The following TBC1D4 variants were observed in gnomAD, a reference collection of about 807,000 sequenced individuals.
TBC1D4 encodes TBC1 domain family member 4.
TBC1D4 carries 121 observed loss-of-function variants against 142.5 expected under a neutral mutation model. The observed-to-expected ratio is 0.85, with a 90% CI of 0.73 to 0.99. The LOEUF (loss-of-function observed/expected upper bound fraction) is 0.99, where lower values mean the gene tolerates loss of function less well. Ranked by LOEUF, TBC1D4 falls within the 50% of genes least tolerant of loss-of-function variation. The probability of loss-of-function intolerance (pLI) is 0.00; values close to 1 mark genes in which losing one functional copy is unlikely to be tolerated. For synonymous variants in TBC1D4, 630 were observed against 628.2 expected (o/e 1.00, Z -0.04); for missense variants, 1,475 against 1,606.6 (o/e 0.92, Z 1.40).
Position 75,302,230 on chromosome 13 carries a change from A to T in TBC1D4, c.2911+13T>A. ...TTTACTTTTGTAAATTATAATCCAC[A>T]TGACAAACATACCTAAATCCACGAG... On this transcript the variant is annotated intron_variant, in intron 16 of 20. Transcript: ENST00000377636. 3.7e-6 allele frequency: 6 copies of T among 1,614,146 alleles called. No individual in the cohort carries two copies. The highest frequency in any genetic ancestry group is 5.1e-6 in the Non-Finnish European group (6 of 1,180,026).
intron 12 of TBC1D4, among the ~76,000 whole-genome samples, chr13:75,315,693 T>C (rs532352085): frequency 1.1e-4 from 16 of 152,246 alleles, no homozygotes; most frequent in Middle Eastern, 3.4e-3. Context: ...ATTAATATTT[T>C]ATAAAACTAA....
intron 1 of TBC1D4, among the ~76,000 whole-genome samples, chr13:75,421,377 G>A (rs538625170): frequency 6.6e-6 from 1 of 152,196 alleles, no homozygotes; most frequent in South Asian, 2.1e-4. Flanking sequence ...AACTCAGCTG[G>A]GGAGTTCACA....
chr13:75,369,176 C>T (rs1000972036), intron 1 of TBC1D4, among the ~76,000 whole-genome samples: 7 of 152,106 alleles, frequency 4.6e-5, no homozygotes, highest in African/African-American at 1.7e-4. Flanking sequence ...AGGCAAGAAC[C>T]GTCACTTTCC....
chr13:75,446,428 G>A (rs553780574), intron 1 of TBC1D4, among the ~76,000 whole-genome samples: 3 of 152,218 alleles, frequency 2.0e-5, no homozygotes, highest in African/African-American at 7.2e-5. Flanking sequence ...GCTTGGGAGT[G>A]GCTTCTCATT....
intron 1 of TBC1D4, among the ~76,000 whole-genome samples, chr13:75,366,697 A>G (rs1443641957): frequency 1.3e-5 from 2 of 149,522 alleles, no homozygotes; most frequent in African/African-American, 5.0e-5. Flanking sequence ...AAAAAAAAAT[A>G]TTGCTTCTAG....
At chr13:75,447,499 A>AGTGTGTGTGTGTGTGTGT (rs1887335918) in intron 1 of TBC1D4, among the ~76,000 whole-genome samples, 1 of 62,898 alleles carries the variant, frequency 1.6e-5, no homozygotes, top group African/African-American at 5.3e-5. Flanking sequence ...GCATAGTGTG[A>AGTGTGTGTGTGTGTGTGT]ATGTGTGTGT....
intron 16 of TBC1D4, 65 bp downstream of exon 16, chr13:75,302,177 CA>C: frequency 7.5e-6 from 12 of 1,604,978 alleles, no homozygotes; most frequent in Non-Finnish European, 1.0e-5. Context: ...AAACAAAAAC[CA>C]AAAAAACTTA....
chr13:75,452,270 C>G (rs1375655194), intron 1 of TBC1D4, among the ~76,000 whole-genome samples: 2 of 152,110 alleles, frequency 1.3e-5, no homozygotes, highest in Non-Finnish European at 2.9e-5. Flanking sequence ...TTTTGCATTT[C>G]CTCCATAGTA....
intron 1 of TBC1D4, among the ~76,000 whole-genome samples, chr13:75,429,165 C>T (rs905447401): frequency 2.6e-5 from 4 of 152,000 alleles, no homozygotes; most frequent in African/African-American, 7.3e-5. Flanking sequence ...CGTAAAATCA[C>T]GTGTTGGAGA....
chr13:75,375,528 T>G (rs558024033), intron 1 of TBC1D4: 1 of 152,266 alleles, frequency 6.6e-6, no homozygotes, highest in African/African-American at 2.4e-5. Context: ...AAACAGAAGT[T>G]TATTTCCCTG....
chr13:75,348,770 T>G (rs533669781), intron 5 of TBC1D4, among the ~76,000 whole-genome samples: 65 of 152,294 alleles, frequency 4.3e-4, no homozygotes, highest in African/African-American at 1.6e-3. Context: ...AAAGGGGAAA[T>G]ATTAAATAAA....
At chr13:75,454,794 T>A (rs1037261027) in intron 1 of TBC1D4, among the ~76,000 whole-genome samples, 1 of 152,194 alleles carries the variant, frequency 6.6e-6, no homozygotes, top group Non-Finnish European at 1.5e-5. Flanking sequence ...CCAGGGTTTA[T>A]AATGATCTGA....
chr13:75,395,743 T>C (rs1014182958), intron 1 of TBC1D4, among the ~76,000 whole-genome samples: 2 of 151,924 alleles, frequency 1.3e-5, no homozygotes, highest in Non-Finnish European at 2.9e-5. Context: ...GGCAGGAGAA[T>C]CACTTGAACC....
At chr13:75,476,366 G>A (rs1279330575) in intron 1 of TBC1D4, among the ~76,000 whole-genome samples, 1 of 152,176 alleles carries the variant, frequency 6.6e-6, no homozygotes, top group Non-Finnish European at 1.5e-5. Flanking sequence ...GTGATCTCAT[G>A]AAATCAGGTG....
At chr13:75,419,613 C>T (rs17064402) in intron 1 of TBC1D4, among the ~76,000 whole-genome samples, 301 of 152,252 alleles carry the variant, frequency 2.0e-3, no homozygotes, top group African/African-American at 7.0e-3. Context: ...GAGAACCACA[C>T]AGTAGTGTAA....
intron 1 of TBC1D4, among the ~76,000 whole-genome samples, chr13:75,383,824 T>A (rs1884007639): frequency 6.6e-6 from 1 of 152,190 alleles, no homozygotes; most frequent in Non-Finnish European, 1.5e-5. Context: ...ATAACTGGTC[T>A]TCTTGCCTTA....
At chr13:75,443,627 A>C (rs769530721) in intron 1 of TBC1D4, among the ~76,000 whole-genome samples, 2 of 152,236 alleles carry the variant, frequency 1.3e-5, no homozygotes, top group African/African-American at 2.4e-5. Flanking sequence ...TTCTCAAAGA[A>C]AGAAAAAGGA....
At position 75,481,536 on chromosome 13, in the gene TBC1D4, C is replaced by T. The variant is rs1888876908; in HGVS notation, c.232G>A (p.Ala78Thr). 5 of 1,601,290 alleles carry T rather than the reference C, an allele frequency of 3.1e-6. No individual in the cohort carries two copies. The highest frequency in any genetic ancestry group is 2.3e-5 in the East Asian group (1 of 44,102). Residue 78 changes from alanine (A) to threonine (T), a missense_variant, in exon 1 of 21, where the codon GCG becomes ACG. Transcript: ENST00000377636. ...AGCACCAGGATCACCTCTCGGGCCGCCGGCGCCCCGCAGCCGCCCGCCTCG... is the reference window on the plus strand; with the variant it reads ...AGCACCAGGATCACCTCTCGGGCCGTCGGCGCCCCGCAGCCGCCCGCCTCG... ...KPEAGGCGAP[A>T]AREVILVLSA... is the part of the protein sequence containing the mutation.
In TBC1D4 at chr13:75,362,038, G is replaced by C. The variant is rs757423439; in HGVS notation, c.1068C>G (p.Thr356=). The C allele has an allele frequency of 6.2e-7, 1 of 1,614,152 alleles. No individual in the cohort carries two copies. The highest frequency in any genetic ancestry group is 1.1e-5 in the South Asian group (1 of 91,080). Residue 356 remains threonine (T), a synonymous_variant, in exon 2 of 21, where the codon ACC becomes ACG. Transcript: ENST00000377636. The surrounding 1 kb of genome is among the most constrained non-coding windows in gnomAD (Gnocchi z 4.2). ...VQPSDSEKNR[T]MLFQVGRFEI... ...CGATCAGGTGTACCTGGAAGAGCAT[G>C]GTCCTGTTCTTCTCCGAGTCCGAGG...
Sources: gnomAD v4.1 joint callset for allele counts (sites outside exome capture counted in the v4.1 genomes callset) on GRCh38, gnomAD v4.1.1 for gene constraint, Gnocchi (gnomAD v3.1) non-coding constraint, MANE v1.5 for transcripts, NCBI Gene and HGNC (gene_info 2026-07-23, HGNC 2026-07-21) for gene names.